Variants in AAK1 observed in about 807,000 individuals in gnomAD.
AAK1 encodes the protein AP2 associated kinase 1, also known as AP2-associated protein kinase 1.
A neutral mutation model predicts 116.0 loss-of-function variants in AAK1; 37 were observed. The observed-to-expected ratio is 0.32, with a 90% CI of 0.25 to 0.42. The LOEUF (loss-of-function observed/expected upper bound fraction) is 0.42, where lower values mean the gene tolerates loss of function less well. AAK1 is among the 10% of genes least tolerant of loss of function. AAK1 has a pLI of 1.00. For synonymous variants in AAK1, 458 were observed against 439.9 expected, an observed-to-expected ratio of 1.04 and a Z score of -0.51; for missense variants, 919 against 1,170.6, an observed-to-expected ratio of 0.79 and a Z score of 3.14.
intron 2 of AAK1, among the ~76,000 whole-genome samples, chr2:69,585,334 C>G (rs1672718690): frequency 6.6e-6 from 1 of 152,136 alleles, no homozygotes; most frequent in Admixed American, 6.5e-5. Flanking sequence ...AGTATTGGGA[C>G]TACAGGTGTG....
At chr2:69,489,329 T>C (rs1043990615) in intron 17 of AAK1, among the ~76,000 whole-genome samples, 3 of 151,522 alleles carry the variant, frequency 2.0e-5, no homozygotes, top group African/African-American at 7.3e-5. Context: ...CGCATGCCTG[T>C]AATCTGAGCT....
Position 69,473,541 on chromosome 2 carries a change from C to CTA in AAK1, c.*2326_*2327dup. The CTA allele has an allele frequency of 1.0e-6, 1 of 985,420 alleles. No individual in the cohort carries two copies. The highest frequency in any genetic ancestry group is 1.2e-6 in the Non-Finnish European group (1 of 829,910). 61.0% of individuals were successfully genotyped at this position (985,420 alleles called of 1,614,324 possible). On this transcript the variant is annotated 3_prime_UTR_variant, in exon 22 of 22. Transcript: ENST00000409085. ...AGGCTTCTACTGCCGTCTCTGGCTT[C>CTA]TAGTCTGCTCATTTTCATTAACTGC...
Position 69,466,349 on chromosome 2 carries a change from A to G in AAK1, c.*9520T>C. The G allele has an allele frequency of 7.8e-7, 1 of 1,289,848 alleles. No individual in the cohort carries two copies. The highest frequency in any genetic ancestry group is 1.5e-5 in the African/African-American group (1 of 65,986). 79.9% of individuals were successfully genotyped at this position (1,289,848 alleles called of 1,614,324 possible). A position where few individuals can be genotyped will look rare whatever the true frequency, so the allele number is the denominator to read the frequency against. On this transcript the variant is annotated 3_prime_UTR_variant, in exon 22 of 22. Transcript: ENST00000409085. Reference sequence around the variant, plus strand: ...AGTCCAGCATGTCTCCTTCAAGGTCAGTCCCTTCCTCTTCGCTGCTGTGGA... The same window carrying G: ...AGTCCAGCATGTCTCCTTCAAGGTCGGTCCCTTCCTCTTCGCTGCTGTGGA...
intron 15 of AAK1, among the ~76,000 whole-genome samples, chr2:69,506,490 A>G (rs1236376160): frequency 6.6e-6 from 1 of 152,132 alleles, no homozygotes; most frequent in Non-Finnish European, 1.5e-5. Context: ...CAGCCTCCCA[A>G]GTAGCTGGGA....
intron 17 of AAK1, among the ~76,000 whole-genome samples, chr2:69,492,208 G>C (rs546290222): frequency 8.6e-5 from 13 of 151,940 alleles, no homozygotes; most frequent in Non-Finnish European, 1.5e-4. Flanking sequence ...AGGAGACTGA[G>C]AGTCCATGAG....
intron 5 of AAK1, among the ~76,000 whole-genome samples, chr2:69,534,284 A>T (rs563079009): frequency 6.6e-6 from 1 of 152,330 alleles, no homozygotes; most frequent in African/African-American, 2.4e-5. Context: ...ACCTCACTCT[A>T]GAAAGGATAG....
At chr2:69,566,241 A>T (rs895744592) in intron 2 of AAK1, among the ~76,000 whole-genome samples, 2 of 152,190 alleles carry the variant, frequency 1.3e-5, no homozygotes, top group African/African-American at 4.8e-5. Context: ...AAAACTCTAG[A>T]ACAGATGGCA....
In AAK1 at chr2:69,470,250, T is replaced by C; in HGVS notation, c.*5619A>G. ...AAACAGAAAACGAAGACTTGGAGCA[T>C]TGAGAAGAAGCCTTCTCACATATAG... On this transcript the variant is annotated 3_prime_UTR_variant, in exon 22 of 22. Transcript: ENST00000409085. 2.0e-6 allele frequency: 2 copies of C among 985,434 alleles called. No homozygotes were observed. Among genetic ancestry groups the C allele is most frequent in the Non-Finnish European group, 2.4e-6 (2 of 829,944 alleles). 61.0% of individuals were successfully genotyped at this position (985,434 alleles called of 1,614,324 possible). A position where few individuals can be genotyped will look rare whatever the true frequency, so the allele number is the denominator to read the frequency against.
At chr2:69,630,818 A>G (rs1021652075) in intron 2 of AAK1, among the ~76,000 whole-genome samples, 1 of 152,230 alleles carries the variant, frequency 6.6e-6, no homozygotes, top group South Asian at 2.1e-4. Flanking sequence ...CAGGTTTTCC[A>G]TAATCATTAC....
intron 19 of AAK1, 59 bp from the exon 20 acceptor site, chr2:69,479,120 A>G (rs774823973): frequency 2.7e-6 from 3 of 1,118,854 alleles, no homozygotes; most frequent in African/African-American, 1.5e-5. Flanking sequence ...ACACACAACA[A>G]TATCATGAGA....
intron 17 of AAK1, among the ~76,000 whole-genome samples, chr2:69,494,357 C>G (rs1675656751): frequency 6.6e-6 from 1 of 152,176 alleles, no homozygotes; most frequent in Admixed American, 6.5e-5. Flanking sequence ...TCCTGAGCCA[C>G]CTGGGGCATG....
intron 5 of AAK1, among the ~76,000 whole-genome samples, chr2:69,537,768 A>G (rs1297789745): frequency 6.6e-6 from 1 of 152,236 alleles, no homozygotes; most frequent in Non-Finnish European, 1.5e-5. Flanking sequence ...CAGCGCGGAC[A>G]TACTAGCAGA....
At chr2:69,558,556 G>A (rs938513088) in intron 2 of AAK1, among the ~76,000 whole-genome samples, 4 of 152,262 alleles carry the variant, frequency 2.6e-5, no homozygotes, top group Non-Finnish European at 5.9e-5. Flanking sequence ...TACACTGGAC[G>A]CTCAGTCCAT....
At chr2:69,569,027 G>C (rs566790620) in intron 2 of AAK1, among the ~76,000 whole-genome samples, 3 of 152,050 alleles carry the variant, frequency 2.0e-5, no homozygotes, top group Non-Finnish European at 2.9e-5. Context: ...CTGCACCCCT[G>C]ATGCCCCTTA....
At chr2:69,525,545 A>G (rs1339594013) in intron 9 of AAK1, among the ~76,000 whole-genome samples, 1 of 152,244 alleles carries the variant, frequency 6.6e-6, no homozygotes, top group Non-Finnish European at 1.5e-5. Context: ...GTGTCAAACC[A>G]GGGTGCACTG....
At chr2:69,594,208 A>C (rs1295971116) in intron 2 of AAK1, among the ~76,000 whole-genome samples, 1 of 152,074 alleles carries the variant, frequency 6.6e-6, no homozygotes, top group Non-Finnish European at 1.5e-5. Flanking sequence ...CAATTGTTCA[A>C]CTCTCTCCAC....
chr2:69,607,073 C>T (rs1051728646), intron 2 of AAK1, among the ~76,000 whole-genome samples: 13 of 142,860 alleles, frequency 9.1e-5, no homozygotes, highest in East Asian at 6.0e-4. Flanking sequence ...AAAAAAAGTG[C>T]GTTAGATTGT....
chr2:69,473,430 T>C lies in AAK1; in HGVS notation c.*2439A>G. On this transcript the variant is annotated 3_prime_UTR_variant, in exon 22 of 22. Transcript: ENST00000409085. ...CTCCGTTTACCAAAGCACTCATATGTGTTCCTTAACAGAAAAATAGTTCTC... is the reference window on the plus strand; with the variant it reads ...CTCCGTTTACCAAAGCACTCATATGCGTTCCTTAACAGAAAAATAGTTCTC... The C allele has an allele frequency of 3.0e-6, 3 of 985,458 alleles. No homozygotes were observed. The highest frequency in any genetic ancestry group is 3.6e-6 in the Non-Finnish European group (3 of 829,946). 61.0% of individuals were successfully genotyped at this position (985,458 alleles called of 1,614,324 possible).
At chr2:69,486,056 C>T (rs1280003553) in intron 17 of AAK1, among the ~76,000 whole-genome samples, 1 of 151,896 alleles carries the variant, frequency 6.6e-6, no homozygotes, top group Non-Finnish European at 1.5e-5. Flanking sequence ...TCGGGCTCAA[C>T]AGATCCTTCA....
Sources: gnomAD v4.1 joint callset for allele counts (sites outside exome capture counted in the v4.1 genomes callset) on GRCh38, gnomAD v4.1.1 for gene constraint, MANE v1.5 for transcripts, NCBI Gene and HGNC (gene_info 2026-07-23, HGNC 2026-07-21) for gene names.